SRGAP1: variants seen among roughly 807,000 people sequenced by gnomAD.
The protein encoded by SRGAP1 is SLIT-ROBO Rho GTPase activating protein 1.
SRGAP1 carries 43 observed loss-of-function variants against 121.9 expected under a neutral mutation model. That is an observed-to-expected ratio of 0.35 (90% CI 0.28 to 0.46). The LOEUF is 0.46. SRGAP1 is among the 20% of genes least tolerant of loss of function. The pLI, the probability that SRGAP1 is intolerant of heterozygous loss-of-function variation, is 1.00. For missense variants in SRGAP1, 1,102 were observed against 1,350.9 expected (o/e 0.82, Z 2.89); for synonymous variants, 447 against 485.4 (o/e 0.92, Z 1.04).
At position 64,157,134 on chromosome 12, in the gene SRGAP1, A is replaced by AC. The variant is rs1483206581; in HGVS notation, c.*14467dup. On this transcript the variant is annotated 3_prime_UTR_variant, in exon 22 of 22. Coordinates refer to ENST00000355086, the MANE Select transcript of SRGAP1 (RefSeq NM_020762.4). The stretch of plus-strand genomic sequence containing the variant: ...TTCCCACCCCTCAACACTCCTTCAG[A>AC]CCCCCACTGTAACAAAGGGATGTGT... 1 of 152,008 alleles carries AC rather than the reference A, an allele frequency of 6.6e-6. No homozygotes were observed. Among genetic ancestry groups the AC allele is most frequent in the Non-Finnish European group, 1.5e-5 (1 of 68,016 alleles). 9.4% of individuals were successfully genotyped at this position (152,008 alleles called of 1,614,324 possible). A position where few individuals can be genotyped will look rare whatever the true frequency, so the allele number is the denominator to read the frequency against.
chr12:64,111,302 G>C (rs1214076508), intron 16 of SRGAP1, among the ~76,000 whole-genome samples: 1 of 152,038 alleles, frequency 6.6e-6, no homozygotes, highest in African/African-American at 2.4e-5. Context: ...ACAAAGAAAA[G>C]GTTCTTTGTT....
At chr12:64,038,979 GCTTTC>G (rs1295607003) in intron 4 of SRGAP1, 1 of 152,120 alleles carries the variant, frequency 6.6e-6, no homozygotes, top group Non-Finnish European at 1.5e-5. Context: ...AAAAATAAAA[GCTTTC>G]CTTTACTTCT....
At chr12:63,995,360 T>G (rs2033667952) in intron 3 of SRGAP1, among the ~76,000 whole-genome samples, 1 of 152,160 alleles carries the variant, frequency 6.6e-6, no homozygotes, top group South Asian at 2.1e-4. Context: ...AGAACAGGTA[T>G]TATATCCACA....
chr12:63,956,081 G>C (rs112732365), intron 1 of SRGAP1, among the ~76,000 whole-genome samples: 3 of 152,140 alleles, frequency 2.0e-5, no homozygotes, highest in African/African-American at 7.2e-5. Flanking sequence ...TTTTTTTTGA[G>C]ACAGGGTCTA....
intron 4 of SRGAP1, among the ~76,000 whole-genome samples, chr12:64,031,337 T>C (rs1478886291): frequency 8.4e-6 from 1 of 118,712 alleles, no homozygotes; most frequent in Non-Finnish European, 1.9e-5. Flanking sequence ...AAAAAAAAAA[T>C]AGCTGCCATC....
rs938859069 is a variant in SRGAP1, at chr12:64,149,810, G to A, written c.*7138G>A. Reference sequence around the variant, plus strand: ...GTAAATTCTATCCACAGGCCATATAGCCCTGGAAAATATTGGGAAACTGAG... The same window carrying A: ...GTAAATTCTATCCACAGGCCATATAACCCTGGAAAATATTGGGAAACTGAG... On this transcript the variant is annotated 3_prime_UTR_variant, in exon 22 of 22. Transcript: ENST00000355086. 1 of 152,110 alleles carries A rather than the reference G, an allele frequency of 6.6e-6. No homozygotes were observed. The highest frequency in any genetic ancestry group is 1.5e-5 in the Non-Finnish European group (1 of 68,032). The allele number at this position is 152,110 out of a possible 1,614,324, so 9.4% of individuals were successfully genotyped here. A position where few individuals can be genotyped will look rare whatever the true frequency, so the allele number is the denominator to read the frequency against.
chr12:64,095,330 A>G (rs1170557165), intron 14 of SRGAP1, 126 bp downstream of exon 14: 4 of 731,922 alleles, frequency 5.5e-6, no homozygotes, highest in African/African-American at 5.3e-5. Context: ...TTAGGGGTGC[A>G]GCAGTAAGAA....
intron 15 of SRGAP1, among the ~76,000 whole-genome samples, chr12:64,098,732 A>C (rs35994401): frequency 0.088 from 13,360 of 151,962 alleles, 1,329 homozygotes; most frequent in African/African-American, 0.25. Context: ...TAATTGAATT[A>C]TTCCTCTCTC....
intron 6 of SRGAP1, among the ~76,000 whole-genome samples, chr12:64,052,381 T>A (rs767901860): frequency 6.6e-6 from 1 of 152,068 alleles, no homozygotes; most frequent in Non-Finnish European, 1.5e-5. Context: ...GGTGAAACCC[T>A]GTCTCTACTA....
chr12:63,933,244 T>A (rs922373577), intron 1 of SRGAP1, among the ~76,000 whole-genome samples: 7 of 151,952 alleles, frequency 4.6e-5, no homozygotes, highest in Non-Finnish European at 8.8e-5. Context: ...ATAATAATAA[T>A]AAAAAGAACC....
intron 1 of SRGAP1, among the ~76,000 whole-genome samples, chr12:63,877,742 G>A (rs1172878355): frequency 6.6e-6 from 1 of 152,238 alleles, no homozygotes. Flanking sequence ...GGGTCAGAGA[G>A]TGTTGAGACC....
intron 11 of SRGAP1, among the ~76,000 whole-genome samples, chr12:64,090,690 A>G (rs1325959682): frequency 2.0e-5 from 3 of 152,144 alleles, no homozygotes; most frequent in African/African-American, 7.2e-5. Flanking sequence ...AAATTTAAAA[A>G]TTAGCTGGGC....
chr12:63,947,810 CACA>C (rs2032097572), intron 1 of SRGAP1, among the ~76,000 whole-genome samples: 1 of 152,170 alleles, frequency 6.6e-6, no homozygotes, highest in African/African-American at 2.4e-5. Context: ...TTGCACTCAC[CACA>C]ACCTTTAGTT....
At chr12:63,896,040 A>T (rs1021427257) in intron 1 of SRGAP1, among the ~76,000 whole-genome samples, 1 of 152,118 alleles carries the variant, frequency 6.6e-6, no homozygotes, top group African/African-American at 2.4e-5. Context: ...TGGGCTCTGG[A>T]GACAATCACC....
chr12:63,892,645 A>AT (rs1224040188), intron 1 of SRGAP1, among the ~76,000 whole-genome samples: 2 of 152,104 alleles, frequency 1.3e-5, no homozygotes, highest in African/African-American at 2.4e-5. Context: ...TAAGCACCAT[A>AT]TGTAGCTCTT....
At chr12:64,081,489 C>T (rs1420352583) in intron 10 of SRGAP1, 1 of 146,866 alleles carries the variant, frequency 6.8e-6, no homozygotes, top group Non-Finnish European at 1.5e-5. Flanking sequence ...AAAAAAACAA[C>T]GCAAACTACT....
intron 3 of SRGAP1, among the ~76,000 whole-genome samples, chr12:64,009,750 T>A (rs903417269): frequency 5.9e-5 from 9 of 151,898 alleles, no homozygotes; most frequent in Non-Finnish European, 1.2e-4. Context: ...GAGTTTTGTC[T>A]AAAAAAATCT....
intron 1 of SRGAP1, among the ~76,000 whole-genome samples, chr12:63,981,989 G>A (rs974842522): frequency 6.6e-6 from 1 of 151,960 alleles, no homozygotes. Flanking sequence ...CGAGGTGGGC[G>A]GATCACGAGG....
At position 63,941,137 on chromosome 12, in the gene SRGAP1, T is replaced by C. The variant is rs79773541; in HGVS notation, c.68-42810T>C. Among the ~76,000 whole-genome samples, 209 of 151,838 alleles carry C rather than the reference T, an allele frequency of 1.4e-3. 2 individuals are homozygous for C. The highest frequency in any genetic ancestry group is 5.0e-3 in the African/African-American group (206 of 41,466). The stretch of plus-strand genomic sequence containing the variant: ...AGGTAACATTAATCCCTGATAAATA[T>C]ATATTAAATTAGTCTTTAATATATA... On this transcript the variant is annotated intron_variant, in intron 1 of 21. Coordinates refer to ENST00000355086, the MANE Select transcript of SRGAP1 (RefSeq NM_020762.4).
Sources: gnomAD v4.1 joint callset for allele counts (sites outside exome capture counted in the v4.1 genomes callset) on GRCh38, gnomAD v4.1.1 for gene constraint, MANE v1.5 for transcripts, NCBI Gene and HGNC (gene_info 2026-07-23, HGNC 2026-07-21) for gene names.